The following IMPA2 variants were observed in gnomAD, a reference collection of about 807,000 sequenced individuals.
The protein encoded by IMPA2 is inositol monophosphatase 2.
IMPA2 carries 32 observed loss-of-function variants against 35.1 expected under a neutral mutation model. The observed-to-expected ratio is 0.91, with a 90% CI of 0.69 to 1.23. IMPA2 has a LOEUF of 1.23. IMPA2 is among the 50% of genes most tolerant of loss of function. The probability of loss-of-function intolerance (pLI) is 0.00; values close to 1 mark genes in which losing one functional copy is unlikely to be tolerated. For synonymous variants in IMPA2, 135 were observed against 160.6 expected, an observed-to-expected ratio of 0.84 and a Z score of 1.20; for missense variants, 334 against 387.6, an observed-to-expected ratio of 0.86 and a Z score of 1.16.
chr18:12,026,316 A>T (rs929636983), intron 5 of IMPA2, among the ~76,000 whole-genome samples: 2 of 152,240 alleles, frequency 1.3e-5, no homozygotes, highest in Non-Finnish European at 2.9e-5. Flanking sequence ...TACAGGCGTG[A>T]GCCATCGCGC....
chr18:11,989,060 C>T (rs1320545562), intron 1 of IMPA2, among the ~76,000 whole-genome samples: 1 of 152,090 alleles, frequency 6.6e-6, no homozygotes, highest in Non-Finnish European at 1.5e-5. Flanking sequence ...CCCAAGCTGA[C>T]GGCAGAGATG....
rs1568032904 is a variant in IMPA2 at position 12,007,649 on chromosome 18, T to TTCTTTCTTTCTTTCTTTCTTTC, written c.231-2232_231-2211dup. On this transcript the variant is annotated intron_variant, in intron 2 of 7. Transcript: ENST00000269159. Reference sequence around the variant, plus strand: ...CTTTCTTCTTTCTTTCTTTCTTTCTTTCTTTCTTTCTTTCTTTCTTTCTTT... The same window carrying TTCTTTCTTTCTTTCTTTCTTTC: ...CTTTCTTCTTTCTTTCTTTCTTTCTTTCTTTCTTTCTTTCTTTCTTTCTCTTTCTTTCTTTCTTTCTTTCTTT... 2.2e-4 allele frequency among the ~76,000 whole-genome samples: 24 copies of TTCTTTCTTTCTTTCTTTCTTTC among 106,830 alleles called. 2 individuals are homozygous for TTCTTTCTTTCTTTCTTTCTTTC. In the East Asian group the frequency reaches 4.8e-3, roughly 22 times the overall value. 70.1% of individuals were successfully genotyped at this position (106,830 alleles called of 152,430 possible).
intron 2 of IMPA2, among the ~76,000 whole-genome samples, chr18:12,001,657 C>T (rs953114604): frequency 2.0e-5 from 3 of 152,192 alleles, no homozygotes; most frequent in Non-Finnish European, 2.9e-5. Flanking sequence ...TACCTCCCTC[C>T]ACCCTTGAGG....
intron 5 of IMPA2, among the ~76,000 whole-genome samples, chr18:12,025,513 T>C (rs1370819668): frequency 6.6e-6 from 1 of 152,244 alleles, no homozygotes; most frequent in Non-Finnish European, 1.5e-5. Context: ...TTCCTGTTGC[T>C]CCACATCCTG....
chr18:12,009,995 G>A lies in IMPA2; in HGVS notation c.335+8G>A, dbSNP rs774035045. The A allele has an allele frequency of 3.7e-6, 6 of 1,605,190 alleles. No individual in the cohort carries two copies. The highest frequency in any genetic ancestry group is 3.3e-5 in the South Asian group (3 of 90,896). ...CTGCAATTTTGTGCACAGGTGAGCTGAGCAGGGATCGCCTCCATTGCAGGG... is the reference window on the plus strand; with the variant it reads ...CTGCAATTTTGTGCACAGGTGAGCTAAGCAGGGATCGCCTCCATTGCAGGG... On this transcript the variant is annotated splice_region_variant and intron_variant, in intron 3 of 7. Coordinates refer to ENST00000269159, the MANE Select transcript of IMPA2 (RefSeq NM_014214.3).
At chr18:12,008,419 A>G in intron 2 of IMPA2, 1 of 516,508 alleles carries the variant, frequency 1.9e-6, no homozygotes, top group South Asian at 1.4e-5. Context: ...CATGCACAGA[A>G]CAGATGTTTG....
chr18:12,028,619 G>A (rs1568040139), intron 6 of IMPA2: 1 of 563,380 alleles, frequency 1.8e-6, no homozygotes, highest in African/African-American at 1.9e-5. Context: ...CAGTAGCTAG[G>A]TCAGCTGGGA....
intron 5 of IMPA2, among the ~76,000 whole-genome samples, chr18:12,022,791 T>C (rs1480675594): frequency 1.3e-5 from 2 of 150,340 alleles, no homozygotes; most frequent in Admixed American, 6.6e-5. Flanking sequence ...TCTTTTTTTT[T>C]TTTGAGACAG....
intron 5 of IMPA2, among the ~76,000 whole-genome samples, chr18:12,023,033 G>A (rs1469071468): frequency 7.5e-6 from 1 of 134,194 alleles, no homozygotes; most frequent in Non-Finnish European, 1.5e-5. Context: ...GGCCTCAAAT[G>A]ATCTACCTGC....
Position 12,010,109 on chromosome 18 carries a change from A to G in IMPA2, c.335+122A>G, listed in dbSNP as rs1907393559. Reference sequence around the variant, plus strand: ...ATATAAACAAACCTATAGTACACTCATAGTCTCATCAGAAAGATGATCAGA... The same window carrying G: ...ATATAAACAAACCTATAGTACACTCGTAGTCTCATCAGAAAGATGATCAGA... On this transcript the variant is annotated intron_variant, in intron 3 of 7. Transcript: ENST00000269159. The surrounding 1 kb of genome is among the most constrained non-coding windows in gnomAD (Gnocchi z 4.8). The G allele has an allele frequency of 6.5e-6, 4 of 616,828 alleles. No individual in the cohort carries two copies. The East Asian group carries it at 1.1e-4, about 17-fold the overall frequency. 38.2% of individuals were successfully genotyped at this position (616,828 alleles called of 1,614,324 possible). A position where few individuals can be genotyped will look rare whatever the true frequency, so the allele number is the denominator to read the frequency against.
At chr18:12,005,694 C>T (rs1173624060) in intron 2 of IMPA2, among the ~76,000 whole-genome samples, 2 of 152,188 alleles carry the variant, frequency 1.3e-5, no homozygotes, top group Non-Finnish European at 2.9e-5. Context: ...GACAGAGCTC[C>T]TGCTCCCGAG....
rs1362147403 is a variant in IMPA2, at chr18:12,020,946, C to T, written c.490+6573C>T. ...TCTTAGGATAATTGTGTGTGGGATT[C>T]AACCATAGTTCTTTTTGGTTACCTA... On this transcript the variant is annotated intron_variant, in intron 5 of 7. Transcript: ENST00000269159. 2.0e-5 allele frequency among the ~76,000 whole-genome samples: 3 copies of T among 149,118 alleles called. No individual in the cohort carries two copies. The Admixed American group carries it at 2.0e-4, about 10-fold the overall frequency.
chr18:12,024,001 CG>C (rs1555647082), intron 5 of IMPA2, among the ~76,000 whole-genome samples: 2 of 151,848 alleles, frequency 1.3e-5, no homozygotes, highest in Non-Finnish European at 2.9e-5. Context: ...TCATCTATCT[CG>C]AAAAAAATCA....
At chr18:12,028,821 T>C (rs763111756) in intron 6 of IMPA2, 21 bp from the exon 7 acceptor site, 39 of 1,611,764 alleles carry the variant, frequency 2.4e-5, no homozygotes, top group Non-Finnish European at 2.8e-5. Flanking sequence ...CCTGCATCTG[T>C]CCTCCCTTCC....
chr18:12,005,419 T>C (rs1907221747), intron 2 of IMPA2, among the ~76,000 whole-genome samples: 1 of 151,866 alleles, frequency 6.6e-6, no homozygotes, highest in African/African-American at 2.4e-5. Context: ...CAGTGGTTTG[T>C]GGCTTCAGTG....
intron 1 of IMPA2, among the ~76,000 whole-genome samples, chr18:11,984,693 C>T (rs1013700022): frequency 7.3e-5 from 11 of 151,720 alleles, no homozygotes; most frequent in East Asian, 1.9e-4. Flanking sequence ...TGTGGCCGGG[C>T]GCGGTGGCTC....
intron 5 of IMPA2, among the ~76,000 whole-genome samples, chr18:12,016,766 C>T (rs1305621876): frequency 2.0e-5 from 3 of 152,144 alleles, no homozygotes; most frequent in Non-Finnish European, 4.4e-5. Flanking sequence ...AGTTCCTTAA[C>T]CTCTCTGAAT....
intron 5 of IMPA2, among the ~76,000 whole-genome samples, chr18:12,020,178 T>TGA (rs1219748656): frequency 8.7e-5 from 13 of 149,974 alleles, no homozygotes; most frequent in African/African-American, 1.5e-4. Flanking sequence ...CGGCCTTTAT[T>TGA]TATTGATTGA....
In IMPA2 at chr18:12,006,956, C is replaced by T. The variant is rs919687692; in HGVS notation, c.231-2927C>T. 6.6e-5 allele frequency among the ~76,000 whole-genome samples: 10 copies of T among 152,256 alleles called. 1 individual carries two copies. Among genetic ancestry groups the T allele is most frequent in the Middle Eastern group, 3.4e-3 (1 of 294 alleles). On this transcript the variant is annotated intron_variant, in intron 2 of 7. Coordinates refer to ENST00000269159, the MANE Select transcript of IMPA2 (RefSeq NM_014214.3). Reference sequence around the variant, plus strand: ...ACCAGCCCGGCCAGCATGGTGAAACCCCATCTCTACTAAAGATAAAAAAAA... The same window carrying T: ...ACCAGCCCGGCCAGCATGGTGAAACTCCATCTCTACTAAAGATAAAAAAAA...
Sources: allele counts gnomAD v4.1 joint callset (sites outside exome capture counted in the v4.1 genomes callset), GRCh38; gene constraint gnomAD v4.1.1; non-coding constraint Gnocchi (gnomAD v3.1); transcripts MANE v1.5; gene names NCBI Gene and HGNC (gene_info 2026-07-23, HGNC 2026-07-21).